FRK: variants seen among roughly 807,000 people sequenced by gnomAD.
FRK encodes tyrosine-protein kinase FRK.
A neutral mutation model predicts 56.4 loss-of-function variants in FRK; 51 were observed. The observed-to-expected ratio is 0.90, with a 90% confidence interval of 0.72 to 1.14. The LOEUF is 1.14. Among genes scored for constraint, FRK ranks in the 50% most tolerant of loss-of-function variants. The probability of loss-of-function intolerance (pLI) is 0.00; values close to 1 mark genes in which losing one functional copy is unlikely to be tolerated. For synonymous variants in FRK, 245 were observed against 217.9 expected (o/e 1.12, Z -1.10); for missense variants, 570 against 601.4 (o/e 0.95, Z 0.55).
At chr6:116,090,630 G>A in the FRK span, among the ~76,000 whole-genome samples, 25 of 152,316 alleles carry the variant, frequency 1.6e-4, no homozygotes, top group East Asian at 4.4e-3. Flanking sequence ...AAAATCACCA[G>A]GGATGGTCTA....
chr6:115,950,055 A>C (rs1343637454), intron 5 of FRK, among the ~76,000 whole-genome samples: 1 of 152,126 alleles, frequency 6.6e-6, no homozygotes, highest in Non-Finnish European at 1.5e-5. Flanking sequence ...AGATTTAAAC[A>C]TAAGAACTAA....
chr6:116,081,869 A>T, the FRK span, among the ~76,000 whole-genome samples: 2 of 152,152 alleles, frequency 1.3e-5, no homozygotes, highest in Non-Finnish European at 2.9e-5. Context: ...CACACCAAAA[A>T]GAAAAATTTC....
At chr6:116,003,822 C>T in intron 2 of FRK, 55 bp downstream of exon 2, 1 of 1,592,526 alleles carries the variant, frequency 6.3e-7, no homozygotes, top group Non-Finnish European at 8.5e-7. Flanking sequence ...ACACAGAAAG[C>T]TCATGACTGC....
chr6:116,054,252 G>T (rs570886664), intron 1 of FRK, among the ~76,000 whole-genome samples: 1 of 150,242 alleles, frequency 6.7e-6, no homozygotes, highest in Non-Finnish European at 1.5e-5. Context: ...ATAACATATG[G>T]TGAAAAATAA....
chr6:116,019,015 C>A (rs555578552), intron 1 of FRK, among the ~76,000 whole-genome samples: 39 of 152,248 alleles, frequency 2.6e-4, no homozygotes, highest in African/African-American at 8.7e-4. Context: ...AGCCAGCTCC[C>A]CTCTGACTTA....
chr6:116,098,471 C>T, the FRK span, among the ~76,000 whole-genome samples: 1 of 152,054 alleles, frequency 6.6e-6, no homozygotes, highest in Admixed American at 6.6e-5. Context: ...AACTCTGGTG[C>T]CCCTTCCTCT....
intron 1 of FRK, among the ~76,000 whole-genome samples, chr6:116,057,521 A>G (rs1309726220): frequency 6.6e-6 from 1 of 152,178 alleles, no homozygotes; most frequent in Non-Finnish European, 1.5e-5. Flanking sequence ...CTTCAGAAGT[A>G]AGCCAGGTTC....
chr6:115,980,401 A>G (rs545085773), intron 2 of FRK, among the ~76,000 whole-genome samples: 86 of 152,306 alleles, frequency 5.6e-4, no homozygotes, highest in African/African-American at 2.0e-3. Context: ...AGAATATCAT[A>G]CGGAAACATG....
At chr6:116,008,102 A>G (rs943752583) in intron 1 of FRK, among the ~76,000 whole-genome samples, 5 of 152,210 alleles carry the variant, frequency 3.3e-5, no homozygotes, top group Non-Finnish European at 7.4e-5. Flanking sequence ...ACTCCATTAC[A>G]TAAGTTTTAT....
intron 3 of FRK, 116 bp from the exon 4 acceptor site, chr6:115,967,835 G>A: frequency 6.4e-6 from 5 of 783,386 alleles, no homozygotes; most frequent in Non-Finnish European, 9.7e-6. Flanking sequence ...ACAAAATATT[G>A]TAAACTGTAT....
intron 1 of FRK, among the ~76,000 whole-genome samples, chr6:116,007,213 A>T (rs1229239326): frequency 6.6e-6 from 1 of 152,222 alleles, no homozygotes; most frequent in Non-Finnish European, 1.5e-5. Flanking sequence ...ATTGCTCTCC[A>T]TCTTTGCTAG....
At chr6:115,973,544 C>T (rs1253318533) in intron 2 of FRK, among the ~76,000 whole-genome samples, 1 of 152,056 alleles carries the variant, frequency 6.6e-6, no homozygotes, top group East Asian at 1.9e-4. Context: ...TATCCCAGAA[C>T]TTAAAGTATA....
intron 1 of FRK, among the ~76,000 whole-genome samples, chr6:116,051,355 T>G (rs1315180864): frequency 2.6e-5 from 4 of 151,992 alleles, no homozygotes; most frequent in Non-Finnish European, 5.9e-5. Context: ...ATAAAAACAT[T>G]AAAGAATCTG....
intron 1 of FRK, among the ~76,000 whole-genome samples, chr6:116,040,606 A>G (rs1281822522): frequency 1.3e-5 from 2 of 152,142 alleles, no homozygotes; most frequent in Non-Finnish European, 2.9e-5. Context: ...CATTATTTTA[A>G]TCTTGCATAT....
chr6:115,967,505 C>G (rs948547655), intron 4 of FRK, 46 bp downstream of exon 4: 12 of 1,562,586 alleles, frequency 7.7e-6, no homozygotes, highest in African/African-American at 1.4e-5. Flanking sequence ...TTAAATTGAG[C>G]TCATAAAAAT....
At chr6:115,999,511 T>G (rs1323363006) in intron 2 of FRK, among the ~76,000 whole-genome samples, 1 of 152,130 alleles carries the variant, frequency 6.6e-6, no homozygotes, top group Non-Finnish European at 1.5e-5. Flanking sequence ...CATCAATAAA[T>G]CATGCACCCT....
At chr6:116,003,523 A>T (rs1242319441) in intron 2 of FRK, among the ~76,000 whole-genome samples, 2 of 152,224 alleles carry the variant, frequency 1.3e-5, no homozygotes, top group African/African-American at 4.8e-5. Flanking sequence ...AAGAAGAAAA[A>T]AATTATATTG....
chr6:116,058,246 T>A (rs1027352571), intron 1 of FRK, among the ~76,000 whole-genome samples: 2 of 152,204 alleles, frequency 1.3e-5, no homozygotes, highest in Non-Finnish European at 2.9e-5. Context: ...GTGTATCCAA[T>A]ATATAAAGAT....
At chr6:115,979,263 T>A (rs1024901294) in intron 2 of FRK, among the ~76,000 whole-genome samples, 1 of 152,086 alleles carries the variant, frequency 6.6e-6, no homozygotes, top group South Asian at 2.1e-4. Context: ...GATAGTGATA[T>A]TGATGATCCT....
Sources: allele counts gnomAD v4.1 joint callset (sites outside exome capture counted in the v4.1 genomes callset), GRCh38; gene constraint gnomAD v4.1.1; transcripts MANE v1.5; gene names NCBI Gene and HGNC (gene_info 2026-07-23, HGNC 2026-07-21).